CYB5R1: variants seen among roughly 807,000 people sequenced by gnomAD.
The protein encoded by CYB5R1 is cytochrome b5 reductase 1, also known as NADH-cytochrome b5 reductase 1.
CYB5R1 carries 32 observed loss-of-function variants against 37.4 expected under a neutral mutation model. That is an observed-to-expected ratio of 0.86 (90% CI 0.65 to 1.15). The LOEUF (loss-of-function observed/expected upper bound fraction) is 1.15, where lower values mean the gene tolerates loss of function less well. Among genes scored for constraint, CYB5R1 ranks in the 50% most tolerant of loss-of-function variants. The probability of loss-of-function intolerance (pLI) is 0.00; values close to 1 mark genes in which losing one functional copy is unlikely to be tolerated. For missense variants in CYB5R1, 345 were observed against 382.5 expected (o/e 0.90, Z 0.82); for synonymous variants, 159 against 155.2 (o/e 1.02, Z -0.18).
At chr1:202,962,990 C>G in intron 8 of CYB5R1, 76 bp downstream of exon 8, 1 of 1,365,964 alleles carries the variant, frequency 7.3e-7, no homozygotes, top group Non-Finnish European at 1.0e-6. Context: ...TTCAATGAAG[C>G]CAGAATTCAC....
Position 202,962,922 on chromosome 1 carries a change from G to T in CYB5R1, c.745+144C>A, listed in dbSNP as rs767465631. 5.2e-6 allele frequency: 5 copies of T among 955,574 alleles called. No individual in the cohort carries two copies. The East Asian group carries it at 1.2e-4, about 23-fold the overall frequency. 59.2% of individuals were successfully genotyped at this position (955,574 alleles called of 1,614,324 possible). A position where few individuals can be genotyped will look rare whatever the true frequency, so the allele number is the denominator to read the frequency against. ...CAGGAACCCAAAGGAAAGGGACCAGGAGATCACTGTGTCTGTGCACTCAGA... is the reference window on the plus strand; with the variant it reads ...CAGGAACCCAAAGGAAAGGGACCAGTAGATCACTGTGTCTGTGCACTCAGA... On this transcript the variant is annotated intron_variant, in intron 8 of 8. Coordinates refer to ENST00000367249, the MANE Select transcript of CYB5R1 (RefSeq NM_016243.3).
rs1169569470 is a variant in CYB5R1, at chr1:202,963,649, G to C, written c.638C>G (p.Ala213Gly). 1 of 1,605,300 alleles carries C rather than the reference G, an allele frequency of 6.2e-7. No homozygotes were observed. The highest frequency in any genetic ancestry group is 1.3e-5 in the African/African-American group (1 of 74,672). Residue 213 changes from alanine to glycine, a missense_variant, in exon 7 of 9, where the codon GCC becomes GGC. Transcript: ENST00000367249. Reference protein sequence around the residue: ...EDPTQCFLLFANQTEKDIILR... With the variant: ...EDPTQCFLLFGNQTEKDIILR... ...GGAGGAAAACAAACCAACCTGGTTG[G>C]CAAAAAGCAGAAAGCACTGGGTTGG...
chr1:202,965,496 T>C lies in CYB5R1; in HGVS notation c.350A>G (p.Tyr117Cys), dbSNP rs748682995. The change falls in exon 5 of 9, where the codon TAC (tyrosine) becomes TGC (cysteine). Residue 117 changes from tyrosine to cysteine, a missense_variant. By Grantham distance (194) the Tyr-to-Cys change is radical. Transcript: ENST00000367249. ...QGYVDLVIKV[Y>C]LKGVHPKFPE... ...AAATTTGGGGTGCACACCCTTCAGG[T>C]AGACCTTACAAGACAGAGAGAAAAA... The C allele has an allele frequency of 6.3e-6, 10 of 1,589,046 alleles. No individual in the cohort carries two copies. The East Asian group carries it at 1.8e-4, about 29-fold the overall frequency.
chr1:202,966,977 G>C, intron 1 of CYB5R1, 79 bp from the exon 2 acceptor site: 2 of 1,494,758 alleles, frequency 1.3e-6, no homozygotes, highest in Non-Finnish European at 1.8e-6. Context: ...CAGGGGTGGC[G>C]ATCCCGAGCT....
chr1:202,966,473 G>A (rs754354403), intron 3 of CYB5R1, 55 bp downstream of exon 3: 18 of 1,579,628 alleles, frequency 1.1e-5, no homozygotes, highest in Non-Finnish European at 1.6e-5. Flanking sequence ...ATCCCAGGAG[G>A]GGAGTCACCT....
At position 202,962,447 on chromosome 1, in the gene CYB5R1, A is replaced by G; in HGVS notation, c.*80T>C. On this transcript the variant is annotated 3_prime_UTR_variant, in exon 9 of 9. Transcript: ENST00000367249. Reference sequence around the variant, plus strand: ...ACTGAAAAAACCTGAAACTCTGAGGAAAGGAATCTAAGGCTTATAGTGCTT... The same window carrying G: ...ACTGAAAAAACCTGAAACTCTGAGGGAAGGAATCTAAGGCTTATAGTGCTT... 1 of 1,480,446 alleles carries G rather than the reference A, an allele frequency of 6.8e-7. No individual in the cohort carries two copies. Among genetic ancestry groups the G allele is most frequent in the South Asian group, 1.4e-5 (1 of 71,716 alleles). The allele number at this position is 1,480,446 out of a possible 1,614,324, so 91.7% of individuals were successfully genotyped here.
At chr1:202,965,290 T>G (rs1031316358) in intron 5 of CYB5R1, 81 bp downstream of exon 5, 7 of 1,459,232 alleles carry the variant, frequency 4.8e-6, no homozygotes, top group Non-Finnish European at 5.4e-6. Flanking sequence ...TACACATGTG[T>G]ACACACAGCC....
In CYB5R1 at chr1:202,964,652, G is replaced by A. The variant is rs1329735266; in HGVS notation, c.519C>T (p.Pro173=). 3 of 1,613,914 alleles carry A rather than the reference G, an allele frequency of 1.9e-6. No individual in the cohort carries two copies. In the Admixed American group the frequency reaches 5.0e-5, roughly 27 times the overall value. ...TCATTCCCAGTTTCTTCGCCACTCG[G>A]GGTTCTGGTGGAGATTTCTTGTTGG... is the stretch of plus-strand genomic sequence containing the variant. ...IQPNKKSPPE[P]RVAKKLGMIA... The change falls in exon 6 of 9, where the codon CCC becomes CCT. Residue 173 remains proline (P), a synonymous_variant. Transcript: ENST00000367249.
rs1655007529 is a variant in CYB5R1, at chr1:202,962,492, C to T, written c.*35G>A. ...GTGCTTGAGTACTGATGGGGAACAACTGCAGCGAACAGCACCAGGGAAGCT... is the reference window on the plus strand; with the variant it reads ...GTGCTTGAGTACTGATGGGGAACAATTGCAGCGAACAGCACCAGGGAAGCT... On this transcript the variant is annotated 3_prime_UTR_variant, in exon 9 of 9. Transcript: ENST00000367249. 1.3e-6 allele frequency: 2 copies of T among 1,566,850 alleles called. No homozygotes were observed. The highest frequency in any genetic ancestry group is 2.4e-5 in the South Asian group (2 of 84,492).
At chr1:202,967,045 T>G in intron 1 of CYB5R1, 146 bp downstream of exon 1, 3 of 1,411,954 alleles carry the variant, frequency 2.1e-6, no homozygotes, top group Non-Finnish European at 2.9e-6. Flanking sequence ...CGAGCCCGGA[T>G]GTGCGGGATC....
In CYB5R1 at chr1:202,964,643, C is replaced by A. The variant is rs765669903; in HGVS notation, c.528G>T (p.Ala176=). ...CGCCGGCAATCATTCCCAGTTTCTT[C>A]GCCACTCGGGGTTCTGGTGGAGATT... is the stretch of plus-strand genomic sequence containing the variant. ...NKKSPPEPRV[A]KKLGMIAGGT... is the part of the protein sequence containing the mutation. Residue 176 remains alanine (A), a synonymous_variant, in exon 6 of 9, where the codon GCG becomes GCT. Transcript: ENST00000367249. 1 of 1,613,664 alleles carries A rather than the reference C, an allele frequency of 6.2e-7. No homozygotes were observed. Among genetic ancestry groups the A allele is most frequent in the Non-Finnish European group, 8.5e-7 (1 of 1,179,776 alleles).
At chr1:202,964,424 T>TA (rs11380528) in intron 6 of CYB5R1, 188 bp downstream of exon 6, 54,966 of 594,570 alleles carry the variant, frequency 0.092, 6,430 homozygotes, top group East Asian at 0.43. Flanking sequence ...TTCCATCAGT[T>TA]AAAATTTTTT....
In CYB5R1 at chr1:202,966,490, G is replaced by A. The variant is rs1166734310; in HGVS notation, c.238+38C>T. 1.9e-6 allele frequency: 3 copies of A among 1,607,168 alleles called. No individual in the cohort carries two copies. The African/African-American group carries it at 4.0e-5, about 21-fold the overall frequency. ...CCCAGGAGGGGAGTCACCTTCTGAG[G>A]ATACCAGGGAAAGGAGCCCATTCCA... On this transcript the variant is annotated intron_variant, in intron 3 of 8. Coordinates refer to ENST00000367249, the MANE Select transcript of CYB5R1 (RefSeq NM_016243.3).
intron 7 of CYB5R1, 175 bp from the exon 8 acceptor site, chr1:202,963,340 C>A (rs1404548734): frequency 3.3e-6 from 2 of 605,058 alleles, no homozygotes. Flanking sequence ...AAGAGGGGAA[C>A]AGCCTTTATC....
rs765632012 is a variant in CYB5R1, at chr1:202,964,592, AG to A, written c.559+19del. 22 of 1,581,018 alleles carry A rather than the reference AG, an allele frequency of 1.4e-5. No individual in the cohort carries two copies. The highest frequency in any genetic ancestry group is 1.9e-5 in the Non-Finnish European group (22 of 1,150,668). On this transcript the variant is annotated intron_variant, in intron 6 of 8. Transcript: ENST00000367249. ...AACAGTCAACAATGGTGGGAGAGAA[AG>A]GCCCTCAGTGTAATGCACCTGTCCC... is the stretch of plus-strand genomic sequence containing the variant.
chr1:202,966,903 G>A lies in CYB5R1; in HGVS notation c.16-5C>T. The A allele has an allele frequency of 1.2e-6, 2 of 1,601,210 alleles. No homozygotes were observed. Among genetic ancestry groups the A allele is most frequent in the Admixed American group, 1.7e-5 (1 of 57,760 alleles). ...GGAGGCCAGCAGGACGGGGCTCTGT[G>A]GGTAGAGGAGGCAGCGTGACCGCCA... On this transcript the variant is annotated splice_polypyrimidine_tract_variant and splice_region_variant and intron_variant, in intron 1 of 8. Coordinates refer to ENST00000367249, the MANE Select transcript of CYB5R1 (RefSeq NM_016243.3).
chr1:202,962,605 T>A lies in CYB5R1; in HGVS notation c.840A>T (p.Pro280=). ...GGCAGGCCAGCTGCACCATTGGGGGTGGCCCACAAAGCAGTACCAGCACAT... is the reference window on the plus strand; with the variant it reads ...GGCAGGCCAGCTGCACCATTGGGGGAGGCCCACAAAGCAGTACCAGCACAT... ...GDDVLVLLCG[P]PPMVQLACHP... The change falls in exon 9 of 9, where the codon CCA becomes CCT. Residue 280 remains proline, a synonymous_variant. Transcript: ENST00000367249. The A allele has an allele frequency of 6.2e-7, 1 of 1,613,978 alleles. No homozygotes were observed. Among genetic ancestry groups the A allele is most frequent in the Non-Finnish European group, 8.5e-7 (1 of 1,179,998 alleles).
intron 4 of CYB5R1, 98 bp from the exon 5 acceptor site, chr1:202,965,598 A>T: frequency 1.1e-5 from 13 of 1,181,258 alleles, no homozygotes; most frequent in Non-Finnish European, 1.4e-5. Flanking sequence ...GGGATCAGAT[A>T]TGTGCTATCT....
rs749791275 is a variant in CYB5R1, at chr1:202,967,243, C to G, written c.-38G>C. 3 of 1,603,214 alleles carry G rather than the reference C, an allele frequency of 1.9e-6. No individual in the cohort carries two copies. The highest frequency in any genetic ancestry group is 2.6e-6 in the Non-Finnish European group (3 of 1,174,386). Reference sequence around the variant, plus strand: ...TTTCCTCCACCACCTGACAAGCCGACAGATCCCACAATGCGCCGCGGGGCG... The same window carrying G: ...TTTCCTCCACCACCTGACAAGCCGAGAGATCCCACAATGCGCCGCGGGGCG... On this transcript the variant is annotated 5_prime_UTR_variant, in exon 1 of 9. Coordinates refer to ENST00000367249, the MANE Select transcript of CYB5R1 (RefSeq NM_016243.3).
Sources: gnomAD v4.1 joint callset for allele counts on GRCh38, gnomAD v4.1.1 for gene constraint, MANE v1.5 for transcripts, NCBI Gene and HGNC (gene_info 2026-07-23, HGNC 2026-07-21) for gene names.